The following BACH2 variants were observed in gnomAD, a reference collection of about 807,000 sequenced individuals.
The protein encoded by BACH2 is transcription regulator protein BACH2.
BACH2 carries 5 observed loss-of-function variants against 61.8 expected under a neutral mutation model. The ratio of observed to expected loss-of-function variants is 0.08; its 90% CI spans 0.04 to 0.17. The LOEUF is 0.17. BACH2 is among the 10% of genes least tolerant of loss of function. BACH2 has a pLI of 1.00. For missense variants in BACH2, 824 were observed against 1,091.1 expected, an observed-to-expected ratio of 0.76 and a Z score of 3.45; for synonymous variants, 446 against 440.1, an observed-to-expected ratio of 1.01 and a Z score of -0.17.
At chr6:90,043,684 G>A (rs998373542) in intron 5 of BACH2, among the ~76,000 whole-genome samples, 1 of 152,204 alleles carries the variant, frequency 6.6e-6, no homozygotes, top group African/African-American at 2.4e-5. Context: ...GCTCCATGCT[G>A]TTGCATGTTC....
intron 3 of BACH2, among the ~76,000 whole-genome samples, chr6:90,224,121 A>G (rs1769833050): frequency 6.6e-6 from 1 of 152,242 alleles, no homozygotes; most frequent in Non-Finnish European, 1.5e-5. Context: ...ATTTCATTTG[A>G]TAATCTCATA....
At chr6:90,000,691 C>T (rs1421179099) in intron 6 of BACH2, among the ~76,000 whole-genome samples, 1 of 152,220 alleles carries the variant, frequency 6.6e-6, no homozygotes. Context: ...TTCTCAAAAT[C>T]TTAACACCTT....
At chr6:90,129,764 C>T (rs1220553399) in intron 4 of BACH2, among the ~76,000 whole-genome samples, 2 of 152,056 alleles carry the variant, frequency 1.3e-5, no homozygotes, top group African/African-American at 2.4e-5. Context: ...TGGCTCTCTG[C>T]TTGCCTACTG....
intron 5 of BACH2, among the ~76,000 whole-genome samples, chr6:90,044,196 A>T (rs1458816997): frequency 6.6e-6 from 1 of 152,258 alleles, no homozygotes; most frequent in Non-Finnish European, 1.5e-5. Flanking sequence ...AGGCAGGGCA[A>T]GAGCAGTGAA....
intron 3 of BACH2, among the ~76,000 whole-genome samples, chr6:90,213,480 G>A (rs1769426010): frequency 6.6e-6 from 1 of 152,106 alleles, no homozygotes; most frequent in South Asian, 2.1e-4. Flanking sequence ...GCCCCTCTGG[G>A]TTGTACTGCT....
At chr6:90,125,072 T>C (rs1262522315) in intron 4 of BACH2, among the ~76,000 whole-genome samples, 1 of 152,238 alleles carries the variant, frequency 6.6e-6, no homozygotes, top group African/African-American at 2.4e-5. Flanking sequence ...CAAAGTTATT[T>C]TGGTTGTTTA....
intron 2 of BACH2, among the ~76,000 whole-genome samples, chr6:90,257,675 G>A (rs1771022998): frequency 6.6e-6 from 1 of 152,126 alleles, no homozygotes; most frequent in Non-Finnish European, 1.5e-5. Flanking sequence ...GGAATATTGG[G>A]ATATACTGAT....
chr6:90,059,291 A>T (rs1379222759), intron 5 of BACH2, among the ~76,000 whole-genome samples: 2 of 152,262 alleles, frequency 1.3e-5, no homozygotes, highest in Middle Eastern at 3.2e-3. Context: ...AAAAACAAAC[A>T]ACCCCATCAA....
intron 4 of BACH2, among the ~76,000 whole-genome samples, chr6:90,133,319 C>T (rs1784140905): frequency 1.3e-5 from 2 of 151,880 alleles, no homozygotes; most frequent in Admixed American, 6.6e-5. Flanking sequence ...TGTAACTGGC[C>T]CCTCTGGGTG....
chr6:90,227,462 AG>A (rs1381870908), intron 3 of BACH2, among the ~76,000 whole-genome samples: 2 of 152,210 alleles, frequency 1.3e-5, no homozygotes, highest in Non-Finnish European at 1.5e-5. Context: ...TCACAAAATG[AG>A]GGGTGGAACC....
chr6:90,283,089 GTGTT>G (rs753292589), intron 1 of BACH2, among the ~76,000 whole-genome samples: 21 of 152,324 alleles, frequency 1.4e-4, no homozygotes, highest in Admixed American at 3.9e-4. Context: ...TAATCTGCAT[GTGTT>G]TGTTTATTAA....
intron 4 of BACH2, among the ~76,000 whole-genome samples, chr6:90,129,702 T>C (rs1784014162): frequency 1.3e-5 from 2 of 152,182 alleles, no homozygotes; most frequent in Non-Finnish European, 2.9e-5. Flanking sequence ...GCTGTATTCC[T>C]AGGTATTTTA....
At chr6:90,226,083 C>T (rs1254494489) in intron 3 of BACH2, among the ~76,000 whole-genome samples, 1 of 152,066 alleles carries the variant, frequency 6.6e-6, no homozygotes, top group Admixed American at 6.6e-5. Flanking sequence ...AGAAAAGGCC[C>T]TAAAATAGGA....
rs562519756 is a variant in BACH2, at chr6:90,063,638, T to C, written c.-13+25323A>G. On this transcript the variant is annotated intron_variant, in intron 5 of 8. Coordinates refer to ENST00000257749, the MANE Select transcript of BACH2 (RefSeq NM_021813.4). The stretch of plus-strand genomic sequence containing the variant: ...CCATAAGCTTTGGCTCTTTTACTTA[T>C]ATTTGTTTCACTCTGAACAAGCATT... Among the ~76,000 whole-genome samples, 9 of 152,350 alleles carry C rather than the reference T, an allele frequency of 5.9e-5. No homozygotes were observed. The East Asian group carries it at 1.2e-3, about 20-fold the overall frequency.
intron 5 of BACH2, among the ~76,000 whole-genome samples, chr6:90,046,582 T>C (rs1318807506): frequency 6.6e-6 from 1 of 152,220 alleles, no homozygotes; most frequent in Non-Finnish European, 1.5e-5. Context: ...AGTAGCTATT[T>C]TGAAATTTCA....
rs529622749 is a variant in BACH2 at position 90,038,854 on chromosome 6, T to C, written c.-12-29998A>G. On this transcript the variant is annotated intron_variant, in intron 5 of 8. Transcript: ENST00000257749. ...GAGTTCAAGACCAGCCTGGCCGACATGGTGAAACCCTGTCTCTCTACTAAA... is the reference window on the plus strand; with the variant it reads ...GAGTTCAAGACCAGCCTGGCCGACACGGTGAAACCCTGTCTCTCTACTAAA... Among the ~76,000 whole-genome samples the C allele has an allele frequency of 3.8e-4, 57 of 151,934 alleles. 1 individual carries two copies. The highest frequency in any genetic ancestry group is 1.3e-3 in the African/African-American group (55 of 41,460).
chr6:90,238,452 T>A (rs1297321256), intron 3 of BACH2, among the ~76,000 whole-genome samples: 2 of 152,238 alleles, frequency 1.3e-5, no homozygotes, highest in Non-Finnish European at 2.9e-5. Flanking sequence ...TTGAATTATA[T>A]GCTGTAAAAA....
chr6:90,109,560 C>T (rs1294330613), intron 4 of BACH2, among the ~76,000 whole-genome samples: 2 of 152,164 alleles, frequency 1.3e-5, no homozygotes, highest in African/African-American at 4.8e-5. Context: ...TGACCTCTTC[C>T]TGAATTTCCA....
chr6:90,120,820 C>T (rs1409033877), intron 4 of BACH2, among the ~76,000 whole-genome samples: 3 of 152,222 alleles, frequency 2.0e-5, no homozygotes, highest in African/African-American at 4.8e-5. Flanking sequence ...CTCTGGAGCA[C>T]ATCAGCTCTC....
Sources: gnomAD v4.1 joint callset for allele counts (sites outside exome capture counted in the v4.1 genomes callset) on GRCh38, gnomAD v4.1.1 for gene constraint, MANE v1.5 for transcripts, NCBI Gene and HGNC (gene_info 2026-07-23, HGNC 2026-07-21) for gene names.